Variants in PIK3C2G observed in about 807,000 individuals in gnomAD.
PIK3C2G encodes phosphatidylinositol-4-phosphate 3-kinase catalytic subunit type 2 gamma, also known as phosphatidylinositol 3-kinase C2 domain-containing subunit gamma.
Under a neutral mutation model 181.1 loss-of-function variants are expected in PIK3C2G, and 168 were observed. The ratio of observed to expected loss-of-function variants is 0.93; its 90% CI spans 0.82 to 1.05. The LOEUF (loss-of-function observed/expected upper bound fraction) is 1.05. Among genes scored for constraint, PIK3C2G ranks in the 50% least tolerant of loss-of-function variants. The pLI is 0.00. For missense variants in PIK3C2G, 1,869 were observed against 1,732.8 expected (o/e 1.08, Z -1.40); for synonymous variants, 573 against 592.2 (o/e 0.97, Z 0.47).
the PIK3C2G span, chr12:18,695,186 C>G: frequency 8.8e-7 from 1 of 1,137,446 alleles, no homozygotes; most frequent in Admixed American, 1.9e-5. Flanking sequence ...CCCAAATGTT[C>G]TATGAGCAAG....
intron 11 of PIK3C2G, among the ~76,000 whole-genome samples, chr12:18,359,295 G>T (rs1007608784): frequency 6.6e-6 from 1 of 152,200 alleles, no homozygotes; most frequent in Non-Finnish European, 1.5e-5. Context: ...GGTCAGAAAA[G>T]CTACTTGATA....
intron 18 of PIK3C2G, among the ~76,000 whole-genome samples, chr12:18,481,134 C>T (rs1024982022): frequency 6.6e-6 from 1 of 152,010 alleles, no homozygotes; most frequent in African/African-American, 2.4e-5. Context: ...CAGGGTTTCA[C>T]CATGTTGGCC....
At chr12:18,604,982 T>C (rs1171502959) in intron 30 of PIK3C2G, among the ~76,000 whole-genome samples, 1 of 151,792 alleles carries the variant, frequency 6.6e-6, no homozygotes, top group Admixed American at 6.6e-5. Context: ...CTCAAGGAAC[T>C]AGAGAAACAA....
At chr12:18,316,864 T>C (rs1412998764) in intron 6 of PIK3C2G, among the ~76,000 whole-genome samples, 1 of 152,036 alleles carries the variant, frequency 6.6e-6, no homozygotes, top group African/African-American at 2.4e-5. Context: ...CACTAATGCG[T>C]AGAGTAGTGA....
At chr12:18,656,311 G>GTCA in the PIK3C2G span, among the ~76,000 whole-genome samples, 983 of 152,110 alleles carry the variant, frequency 6.5e-3, 9 homozygotes, top group African/African-American at 0.023. Flanking sequence ...GGCGCAGTGG[G>GTCA]TCACGCCTGT....
chr12:18,644,982 A>C lies in PIK3C2G; in HGVS notation c.4309-2894A>C, dbSNP rs116902794. On this transcript the variant is annotated intron_variant, in intron 32 of 32. Coordinates refer to ENST00000538779, the MANE Select transcript of PIK3C2G (RefSeq NM_001288772.2). Reference sequence around the variant, plus strand: ...TGTTCAGTAAATTCTTGGAATGTTCAGTATATGTTAATAGATATTAATTAC... The same window carrying C: ...TGTTCAGTAAATTCTTGGAATGTTCCGTATATGTTAATAGATATTAATTAC... Among the ~76,000 whole-genome samples, 1,038 of 152,322 alleles carry C rather than the reference A, an allele frequency of 6.8e-3. 6 individuals carry two copies. Among genetic ancestry groups the C allele is most frequent in the Non-Finnish European group, 0.011 (755 of 68,034 alleles).
At chr12:18,446,002 G>A (rs1947003546) in intron 18 of PIK3C2G, among the ~76,000 whole-genome samples, 2 of 152,086 alleles carry the variant, frequency 1.3e-5, no homozygotes, top group Admixed American at 6.6e-5. Flanking sequence ...TGCATCTTTC[G>A]GATTTTGTAA....
intron 10 of PIK3C2G, 125 bp downstream of exon 10, chr12:18,343,485 A>ACACACG (rs1004728921): frequency 4.2e-6 from 2 of 477,354 alleles, no homozygotes; most frequent in Non-Finnish European, 7.6e-6. Context: ...ACACACACAC[A>ACACACG]CACACACGAG....
At chr12:18,601,088 A>G (rs1947682948) in intron 30 of PIK3C2G, among the ~76,000 whole-genome samples, 1 of 152,060 alleles carries the variant, frequency 6.6e-6, no homozygotes, top group Non-Finnish European at 1.5e-5. Context: ...ATAATCCATC[A>G]GCACACTAAA....
chr12:18,361,550 A>G (rs1195513019), intron 11 of PIK3C2G, among the ~76,000 whole-genome samples: 1 of 151,668 alleles, frequency 6.6e-6, no homozygotes, highest in Non-Finnish European at 1.5e-5. Flanking sequence ...AAAAACCTTC[A>G]AAAATAAGCC....
chr12:18,620,173 T>C (rs996173631), intron 31 of PIK3C2G, among the ~76,000 whole-genome samples: 1 of 152,180 alleles, frequency 6.6e-6, no homozygotes, highest in Non-Finnish European at 1.5e-5. Context: ...GATTATGTTG[T>C]TCAGGTCTTT....
chr12:18,338,652 T>C lies in PIK3C2G; in HGVS notation c.1395+104T>C, dbSNP rs565415797. 6.0e-5 allele frequency: 46 copies of C among 768,226 alleles called. No individual in the cohort carries two copies. The East Asian group carries it at 1.1e-3, about 18-fold the overall frequency. 47.6% of individuals were successfully genotyped at this position (768,226 alleles called of 1,614,324 possible). ...TAACAACTATATTTCCGTGTGTATG[T>C]TTGTGTGTATCTGTGTGTGTGTGTG... On this transcript the variant is annotated intron_variant, in intron 9 of 32. Transcript: ENST00000538779.
At chr12:18,478,974 C>CAA (rs1204943458) in intron 18 of PIK3C2G, among the ~76,000 whole-genome samples, 2 of 117,586 alleles carry the variant, frequency 1.7e-5, no homozygotes, top group African/African-American at 3.2e-5. Context: ...GATCCTGTCT[C>CAA]AAAAAAAAAA....
the PIK3C2G span, chr12:18,701,899 C>T: frequency 7.5e-7 from 1 of 1,341,368 alleles, no homozygotes; most frequent in South Asian, 1.5e-5. Context: ...GTAAGAACTC[C>T]ATTTTTTCCC....
chr12:18,488,690 T>C, intron 19 of PIK3C2G, 61 bp downstream of exon 19: 1 of 1,046,274 alleles, frequency 9.6e-7, no homozygotes, highest in Non-Finnish European at 1.3e-6. Flanking sequence ...AATTAAGTTT[T>C]AATTTCATTG....
At chr12:18,519,342 G>T (rs2136174052) in intron 24 of PIK3C2G, among the ~76,000 whole-genome samples, 1 of 152,232 alleles carries the variant, frequency 6.6e-6, no homozygotes, top group African/African-American at 2.4e-5. Context: ...CACTATTATT[G>T]TGTGGGAGTC....
intron 12 of PIK3C2G, 92 bp downstream of exon 12, chr12:18,362,978 A>AC (rs1204150865): frequency 8.4e-6 from 8 of 953,358 alleles, no homozygotes; most frequent in Non-Finnish European, 1.2e-5. Flanking sequence ...TAATTTAAAA[A>AC]AAATATGCTG....
intron 29 of PIK3C2G, among the ~76,000 whole-genome samples, chr12:18,580,141 A>C (rs547929314): frequency 2.0e-5 from 3 of 152,196 alleles, no homozygotes; most frequent in Admixed American, 1.3e-4. Context: ...CAAAAAAAAA[A>C]AAAAGAGAGA....
the PIK3C2G span, among the ~76,000 whole-genome samples, chr12:18,665,611 A>G: frequency 6.6e-6 from 1 of 152,068 alleles, no homozygotes; most frequent in Non-Finnish European, 1.5e-5. Flanking sequence ...TGACCAACAT[A>G]GTGAAACCCT....
Sources: allele counts gnomAD v4.1 joint callset (sites outside exome capture counted in the v4.1 genomes callset), GRCh38; gene constraint gnomAD v4.1.1; transcripts MANE v1.5; gene names NCBI Gene and HGNC (gene_info 2026-07-23, HGNC 2026-07-21).